The following PDZD2 variants were observed in gnomAD, a reference collection of about 807,000 sequenced individuals.
PDZD2 encodes PDZ domain containing 2, also known as PDZ domain-containing protein 2.
PDZD2 carries 90 observed loss-of-function variants against 220.7 expected under a neutral mutation model. That is an observed-to-expected ratio of 0.41 (90% confidence interval 0.34 to 0.49). The LOEUF is 0.49. PDZD2 is among the 20% of genes least tolerant of loss of function. The probability of loss-of-function intolerance (pLI) is 0.28; values close to 1 mark genes in which losing one functional copy is unlikely to be tolerated. For synonymous variants in PDZD2, 1,375 were observed against 1,450.5 expected, an observed-to-expected ratio of 0.95 and a Z score of 1.18; for missense variants, 3,174 against 3,608.5, an observed-to-expected ratio of 0.88 and a Z score of 3.08.
In PDZD2 at chr5:31,646,038, T is replaced by C. The variant is rs1745124260; in HGVS notation, c.-361+6601T>C. 1.4e-5 allele frequency among the ~76,000 whole-genome samples: 1 copy of C among 71,542 alleles called. No individual in the cohort carries two copies. Among genetic ancestry groups the C allele is most frequent in the South Asian group, 4.8e-4 (1 of 2,104 alleles). 46.9% of individuals were successfully genotyped at this position (71,542 alleles called of 152,430 possible). A position where few individuals can be genotyped will look rare whatever the true frequency, so the allele number is the denominator to read the frequency against. Reference sequence around the variant, plus strand: ...GAGGAGAGAGGGTGTCAGGGAGCTTTGCACTGCGGGGGGGCCTTCTCACTA... The same window carrying C: ...GAGGAGAGAGGGTGTCAGGGAGCTTCGCACTGCGGGGGGGCCTTCTCACTA... On this transcript the variant is annotated intron_variant, in intron 1 of 24. Transcript: ENST00000438447. This position sits in a 1 kb window ranked among gnomAD's most constrained non-coding sequence, Gnocchi z 4.7.
intron 22 of PDZD2, among the ~76,000 whole-genome samples, chr5:32,097,918 G>A (rs1743875722): frequency 1.3e-5 from 2 of 152,160 alleles, no homozygotes; most frequent in South Asian, 4.1e-4. Context: ...CGCACTGAAT[G>A]TATGTTTTTT....
intron 1 of PDZD2, among the ~76,000 whole-genome samples, chr5:31,737,408 G>A (rs552518959): frequency 3.9e-5 from 6 of 151,978 alleles, no homozygotes; most frequent in Admixed American, 6.6e-5. Flanking sequence ...TCCTGACCTC[G>A]TGATCCGCCC....
intron 2 of PDZD2, among the ~76,000 whole-genome samples, chr5:31,881,463 T>C (rs1739919621): frequency 6.6e-6 from 1 of 150,450 alleles, no homozygotes; most frequent in Non-Finnish European, 1.5e-5. Flanking sequence ...CTGCAACCTC[T>C]GCCTCCCAGA....
chr5:31,957,455 C>T (rs1248469781), intron 2 of PDZD2, among the ~76,000 whole-genome samples: 2 of 152,154 alleles, frequency 1.3e-5, no homozygotes, highest in Non-Finnish European at 1.5e-5. Context: ...CAACTTAACA[C>T]GCATTACCGA....
intron 6 of PDZD2, among the ~76,000 whole-genome samples, chr5:32,022,088 C>T (rs1738048444): frequency 6.6e-6 from 1 of 152,112 alleles, no homozygotes; most frequent in Non-Finnish European, 1.5e-5. Flanking sequence ...AGATGGCAGA[C>T]CCAGTCTTGT....
At chr5:31,932,721 T>G (rs1481392247) in intron 2 of PDZD2, among the ~76,000 whole-genome samples, 1 of 152,184 alleles carries the variant, frequency 6.6e-6, no homozygotes, top group Admixed American at 6.5e-5. Flanking sequence ...AGGCTTTTCC[T>G]CTTGCAAAAC....
intron 3 of PDZD2, among the ~76,000 whole-genome samples, chr5:31,989,416 C>CTTTTTTTTTTTTTTTTTTTTTAT (rs1385913596): frequency 8.3e-6 from 1 of 120,680 alleles, no homozygotes; most frequent in African/African-American, 3.5e-5. Flanking sequence ...ACCACATTTT[C>CTTTTTTTTTTTTTTTTTTTTTAT]TTTTCTTTTT....
chr5:31,739,000 C>T (rs781773778), intron 1 of PDZD2, among the ~76,000 whole-genome samples: 2 of 152,114 alleles, frequency 1.3e-5, no homozygotes, highest in Non-Finnish European at 2.9e-5. Flanking sequence ...ATTCTCCTGC[C>T]TCAGCCTCCT....
chr5:32,022,960 T>C (rs984695573), intron 6 of PDZD2, among the ~76,000 whole-genome samples: 1 of 152,056 alleles, frequency 6.6e-6, no homozygotes, highest in African/African-American at 2.4e-5. Context: ...TTGGAGGCCT[T>C]TGCTGTACCT....
intron 24 of PDZD2, among the ~76,000 whole-genome samples, chr5:32,101,655 C>G (rs1744267509): frequency 1.3e-5 from 2 of 152,082 alleles, no homozygotes; most frequent in African/African-American, 4.8e-5. Flanking sequence ...TAATACTGGC[C>G]AAGATCTCAT....
intron 2 of PDZD2, among the ~76,000 whole-genome samples, chr5:31,899,116 C>T (rs1741852877): frequency 6.6e-6 from 1 of 151,116 alleles, no homozygotes; most frequent in African/African-American, 2.4e-5. Context: ...TGTGAACCAC[C>T]GCGCCTGGCC....
intron 1 of PDZD2, among the ~76,000 whole-genome samples, chr5:31,676,911 T>C (rs1369273420): frequency 1.3e-5 from 2 of 151,342 alleles, no homozygotes; most frequent in Admixed American, 6.6e-5. Context: ...GAGGAGATTT[T>C]TAAAAAGGGG....
chr5:31,670,133 C>G (rs1036214184), intron 1 of PDZD2, among the ~76,000 whole-genome samples: 4 of 152,112 alleles, frequency 2.6e-5, no homozygotes, highest in African/African-American at 9.7e-5. Flanking sequence ...TGATGCTTAG[C>G]AATTCAGTTG....
chr5:31,661,800 C>CT lies in PDZD2; in HGVS notation c.-361+22372dup, dbSNP rs776604791. Reference sequence around the variant, plus strand: ...TCCTCCCTTGGTTTTTTTTTTTTTTCTTTTTTTTTCATCAGAGATATTCAG... The same window carrying CT: ...TCCTCCCTTGGTTTTTTTTTTTTTTCTTTTTTTTTTCATCAGAGATATTCAG... On this transcript the variant is annotated intron_variant, in intron 1 of 24. Transcript: ENST00000438447. 4.1e-3 allele frequency among the ~76,000 whole-genome samples: 376 copies of CT among 90,686 alleles called. 2 individuals are homozygous for CT. Among genetic ancestry groups the CT allele is most frequent in the African/African-American group, 0.014 (354 of 25,794 alleles). The allele number at this position is 90,686 out of a possible 152,430, so 59.5% of individuals were successfully genotyped here.
rs531917433 is a variant in PDZD2 at position 32,108,165 on chromosome 5, C to CTTCT, written c.*37_*40dup. The CTTCT allele has an allele frequency of 3.0e-4, 453 of 1,515,164 alleles. 2 individuals carry two copies. In the East Asian group the frequency reaches 7.6e-3, roughly 26 times the overall value. The allele number at this position is 1,515,164 out of a possible 1,614,324, so 93.9% of individuals were successfully genotyped here. The stretch of plus-strand genomic sequence containing the variant: ...TAACAAGAATCATTTTCTCAGTTCT[C>CTTCT]TTCTTTCTTTAGCAAATCAGAGTGA... On this transcript the variant is annotated 3_prime_UTR_variant, in exon 25 of 25. Transcript: ENST00000438447.
At chr5:31,989,137 G>A (rs757490267) in intron 3 of PDZD2, among the ~76,000 whole-genome samples, 2 of 152,078 alleles carry the variant, frequency 1.3e-5, no homozygotes, top group Admixed American at 6.6e-5. Context: ...AGGCTTTAAC[G>A]TGCCCATCAC....
chr5:31,867,454 A>C (rs1373163540), intron 2 of PDZD2, among the ~76,000 whole-genome samples: 2 of 152,172 alleles, frequency 1.3e-5, no homozygotes, highest in African/African-American at 2.4e-5. Flanking sequence ...CATCTGCAGA[A>C]GAAGTGGTTT....
intron 19 of PDZD2, among the ~76,000 whole-genome samples, chr5:32,085,771 TTTG>T (rs1180652434): frequency 1.3e-5 from 2 of 152,158 alleles, no homozygotes; most frequent in Non-Finnish European, 2.9e-5. Flanking sequence ...TTGTTGTTGT[TTTG>T]TTTTGTCTTT....
chr5:31,743,618 A>G (rs1195799489), intron 1 of PDZD2, among the ~76,000 whole-genome samples: 1 of 152,090 alleles, frequency 6.6e-6, no homozygotes, highest in Non-Finnish European at 1.5e-5. Flanking sequence ...GAAATAGGGG[A>G]ATGGCTCTTT....
Sources: gnomAD v4.1 joint callset for allele counts (sites outside exome capture counted in the v4.1 genomes callset) on GRCh38, gnomAD v4.1.1 for gene constraint, Gnocchi (gnomAD v3.1) non-coding constraint, MANE v1.5 for transcripts, NCBI Gene and HGNC (gene_info 2026-07-23, HGNC 2026-07-21) for gene names.